The following MZT2A variants were observed in gnomAD, a reference collection of about 807,000 sequenced individuals.
The protein encoded by MZT2A is mitotic-spindle organizing protein 2A.
In MZT2A, 8 loss-of-function variants were observed where a neutral mutation model predicts 12.4. That is an observed-to-expected ratio of 0.64 (90% CI 0.38 to 1.16). The LOEUF is 1.16. MZT2A is among the 50% of genes most tolerant of loss of function. The pLI, the probability that MZT2A is intolerant of heterozygous loss-of-function variation, is 0.01. For missense variants in MZT2A, 181 were observed against 223.6 expected, an observed-to-expected ratio of 0.81 and a Z score of 1.22; for synonymous variants, 88 against 107.5, an observed-to-expected ratio of 0.82 and a Z score of 1.12.
At chr2:131,469,737 A>T (rs553736884) in intron 4 of MZT2A, 1 of 144,408 alleles carries the variant, frequency 6.9e-6, no homozygotes, top group South Asian at 2.1e-4. Context: ...GTTTTCAAAG[A>T]TGTTTTATTA....
intron 2 of MZT2A, chr2:131,491,604 G>A (rs1679309135): frequency 1.7e-6 from 1 of 578,428 alleles, no homozygotes; most frequent in Non-Finnish European, 3.0e-6. Context: ...AGGCCTGAGT[G>A]AAGAGGTGGG....
intron 2 of MZT2A, among the ~76,000 whole-genome samples, chr2:131,476,647 C>T (rs1231676779): frequency 2.0e-5 from 3 of 152,106 alleles, no homozygotes; most frequent in Non-Finnish European, 2.9e-5. Context: ...TAAAGGCAAC[C>T]GTTAGGCCAG....
intron 2 of MZT2A, chr2:131,489,844 G>GGC: frequency 2.1e-6 from 2 of 960,816 alleles, no homozygotes; most frequent in Non-Finnish European, 2.5e-6. Flanking sequence ...CCTCTCACTG[G>GGC]ACTGAGTGTG....
upstream of MZT2A, chr2:131,492,859 C>T (rs1363428361): frequency 3.4e-6 from 5 of 1,492,138 alleles, no homozygotes; most frequent in African/African-American, 2.8e-5. Context: ...GTGCGTGAGC[C>T]CTACCTTGGG....
chr2:131,474,244 C>A (rs1157366355), intron 2 of MZT2A, among the ~76,000 whole-genome samples: 1 of 151,620 alleles, frequency 6.6e-6, no homozygotes, highest in Non-Finnish European at 1.5e-5. Flanking sequence ...ACTGCAGGCA[C>A]CCGCCGCCAC....
chr2:131,475,277 G>A (rs749740390), intron 2 of MZT2A, among the ~76,000 whole-genome samples: 80 of 146,776 alleles, frequency 5.5e-4, no homozygotes, highest in Admixed American at 2.0e-3. Context: ...TGGTGTGCCT[G>A]ACCCAACGTC....
chr2:131,476,037 C>T, intron 2 of MZT2A: 1 of 1,355,956 alleles, frequency 7.4e-7, no homozygotes, highest in Non-Finnish European at 1.0e-6. Context: ...TGGGATCCGG[C>T]CCTCAGCCCG....
chr2:131,492,862 A>G, upstream of MZT2A: 1 of 1,487,730 alleles, frequency 6.7e-7, no homozygotes, highest in Non-Finnish European at 9.0e-7. Flanking sequence ...CGTGAGCCCT[A>G]CCTTGGGGCG....
downstream of MZT2A, among the ~76,000 whole-genome samples, chr2:131,482,010 C>T (rs1171981889): frequency 1.3e-5 from 2 of 152,242 alleles, no homozygotes; most frequent in East Asian, 3.8e-4. Context: ...ATGTCACCCC[C>T]TACTTAGGCA....
chr2:131,485,532 A>G (rs2622052), intron 2 of MZT2A, among the ~76,000 whole-genome samples: 16 of 152,068 alleles, frequency 1.1e-4, no homozygotes, highest in Admixed American at 2.0e-4. Flanking sequence ...CCCTCTGTAT[A>G]TAAGCTCCCT....
chr2:131,478,211 C>T, intron 2 of MZT2A: 2 of 1,614,104 alleles, frequency 1.2e-6, no homozygotes, highest in South Asian at 1.1e-5. Flanking sequence ...TCCAGATCGG[C>T]AATGCCTGCT....
At chr2:131,479,021 T>C (rs1259783564), downstream of MZT2A, among the ~76,000 whole-genome samples, 1 of 152,264 alleles carries the variant, frequency 6.6e-6, no homozygotes, top group South Asian at 2.1e-4. Flanking sequence ...AGGAAAGAAT[T>C]ATGTACCTGC....
At chr2:131,471,779 G>C (rs1446262479) in intron 3 of MZT2A, among the ~76,000 whole-genome samples, 3 of 151,854 alleles carry the variant, frequency 2.0e-5, no homozygotes, top group African/African-American at 7.3e-5. Flanking sequence ...TACTCCGCGG[G>C]GTTGAACTGG....
intron 2 of MZT2A, chr2:131,476,059 C>A: frequency 6.6e-7 from 1 of 1,512,086 alleles, no homozygotes; most frequent in South Asian, 1.2e-5. Flanking sequence ...CTCCCAGGAA[C>A]TCCGAGCCAA....
intron 2 of MZT2A, among the ~76,000 whole-genome samples, chr2:131,484,769 T>C (rs1559355510): frequency 6.6e-6 from 1 of 152,212 alleles, no homozygotes; most frequent in Non-Finnish European, 1.5e-5. Flanking sequence ...CCGAGTGTTC[T>C]GCAGTGGTCA....
chr2:131,473,019 G>C (rs2105264107), intron 2 of MZT2A, among the ~76,000 whole-genome samples: 1 of 152,220 alleles, frequency 6.6e-6, no homozygotes, highest in East Asian at 1.9e-4. Flanking sequence ...CATAAGGGTG[G>C]GCCCTGATCC....
rs183717546 is a variant in MZT2A at position 131,492,322 on chromosome 2, C to A, written c.55G>T (p.Glu19Ter). 1.2e-5 allele frequency: 19 copies of A among 1,521,178 alleles called. No homozygotes were observed. In the Admixed American group the frequency reaches 1.6e-4, roughly 13 times the overall value. The allele number at this position is 1,521,178 out of a possible 1,614,324, so 94.2% of individuals were successfully genotyped here. The change falls in exon 1 of 3, where the codon GAG becomes TAG. Residue 19 changes from glutamate to a stop codon, truncating the protein, a stop_gained. Transcript: ENST00000309451. LOFTEE classifies it high-confidence loss of function. The stretch of plus-strand genomic sequence containing the variant: ...AGCGCCAGCTTCTGCCGGGCCGCCT[C>A]CAGCCCCGGGGGCGCCGCCGACCCC... ...GPGSAAPPGL[E>*]AARQKLALRR...
At chr2:131,482,969 C>T, downstream of MZT2A, 1 of 1,492,642 alleles carries the variant, frequency 6.7e-7, no homozygotes, top group South Asian at 1.4e-5. Context: ...GCTCTGCCTA[C>T]AGGAGCCGGT....
Position 131,490,588 on chromosome 2 carries a change from G to A in MZT2A, c.319+1288C>T. The A allele has an allele frequency of 5.8e-6, 9 of 1,539,382 alleles. No individual in the cohort carries two copies. In the Middle Eastern group the frequency reaches 5.2e-4, roughly 88 times the overall value. On this transcript the variant is annotated intron_variant, in intron 2 of 2. Transcript: ENST00000309451. The stretch of plus-strand genomic sequence containing the variant: ...AATAGTGCCCTGTGGCTAAGCGGCA[G>A]GGCAGCGGTGGCCTGCATGATCCTG...
Sources: gnomAD v4.1 joint callset for allele counts (sites outside exome capture counted in the v4.1 genomes callset) on GRCh38, gnomAD v4.1.1 for gene constraint, MANE v1.5 for transcripts, NCBI Gene and HGNC (gene_info 2026-07-23, HGNC 2026-07-21) for gene names.